The following WDR76 variants were observed in gnomAD, a reference collection of about 807,000 sequenced individuals.
WDR76 encodes WD repeat domain 76.
In WDR76, 52 loss-of-function variants were observed where a neutral mutation model predicts 70.2. That is an observed-to-expected ratio of 0.74 (90% CI 0.59 to 0.93). The LOEUF is 0.93. Among genes scored for constraint, WDR76 ranks in the 40% least tolerant of loss-of-function variants. WDR76 has a pLI of 0.00. For synonymous variants in WDR76, 292 were observed against 271.1 expected (o/e 1.08, Z -0.76); for missense variants, 756 against 760.2 (o/e 0.99, Z 0.07).
chr15:43,848,223 G>C (rs1191424649), intron 8 of WDR76, among the ~76,000 whole-genome samples: 1 of 152,078 alleles, frequency 6.6e-6, no homozygotes, highest in African/African-American at 2.4e-5. Context: ...TGGATTGACA[G>C]AGTGAGACCC....
chr15:43,846,064 T>C (rs1378146521), intron 8 of WDR76, among the ~76,000 whole-genome samples: 2 of 149,974 alleles, frequency 1.3e-5, no homozygotes, highest in Non-Finnish European at 3.0e-5. Flanking sequence ...TAGTATGTTT[T>C]GGAAGCCAAG....
chr15:43,848,165 G>A (rs1221034030), intron 8 of WDR76, among the ~76,000 whole-genome samples: 3 of 152,128 alleles, frequency 2.0e-5, no homozygotes. Flanking sequence ...CTGAGCTCAA[G>A]GCGGTTGAGG....
chr15:43,856,828 G>A, intron 9 of WDR76, 118 bp from the exon 10 acceptor site: 2 of 812,394 alleles, frequency 2.5e-6, no homozygotes. Flanking sequence ...GGGATGATGA[G>A]AGGATAAATG....
At position 43,856,968 on chromosome 15, in the gene WDR76, G is replaced by T; in HGVS notation, c.1214G>T (p.Ser405Ile). Reference sequence around the variant, plus strand: ...TAGGTGTATAGAAATGAAAGAAGTAGCTTTTCCTCCTTCGACTTCTTGGCA... The same window carrying T: ...TAGGTGTATAGAAATGAAAGAAGTATCTTTTCCTCCTTCGACTTCTTGGCA... ...FEEVYRNERS[S>I]FSSFDFLAED... The change falls in exon 10 of 13, where the codon AGC (serine) becomes ATC (isoleucine). Residue 405 changes from serine to isoleucine, a missense_variant. By Grantham distance (142) the Ser-to-Ile change is moderately radical. Coordinates refer to ENST00000263795, the MANE Select transcript of WDR76 (RefSeq NM_024908.4). 2 of 1,613,974 alleles carry T rather than the reference G, an allele frequency of 1.2e-6. No individual in the cohort carries two copies. The highest frequency in any genetic ancestry group is 1.7e-6 in the Non-Finnish European group (2 of 1,179,932).
At chr15:43,844,926 TAAAAAA>T (rs1163275078) in intron 8 of WDR76, among the ~76,000 whole-genome samples, 2 of 15,528 alleles carry the variant, frequency 1.3e-4, no homozygotes, top group African/African-American at 2.6e-4. Flanking sequence ...AGACTCTGTG[TAAAAAA>T]AAAAAAAAAA....
intron 2 of WDR76, among the ~76,000 whole-genome samples, chr15:43,832,961 G>A (rs989428667): frequency 1.3e-5 from 2 of 151,504 alleles, no homozygotes; most frequent in East Asian, 3.9e-4. Flanking sequence ...CGACACGTTG[G>A]CCAGGCTGGT....
At chr15:43,860,044 A>G (rs2087976860) in intron 11 of WDR76, among the ~76,000 whole-genome samples, 1 of 152,188 alleles carries the variant, frequency 6.6e-6, no homozygotes, top group Non-Finnish European at 1.5e-5. Context: ...TGAGCCCAGG[A>G]GTTCGAGACC....
chr15:43,855,563 A>G (rs2087917081), intron 9 of WDR76, among the ~76,000 whole-genome samples: 1 of 152,250 alleles, frequency 6.6e-6, no homozygotes, highest in Non-Finnish European at 1.5e-5. Context: ...TTCATGATTC[A>G]ACAATAAGAA....
intron 9 of WDR76, among the ~76,000 whole-genome samples, chr15:43,856,576 T>C (rs977934542): frequency 1.3e-5 from 2 of 151,870 alleles, no homozygotes; most frequent in African/African-American, 4.8e-5. Context: ...ATCAGTGCCT[T>C]TGTTTCTTTT....
intron 12 of WDR76, among the ~76,000 whole-genome samples, chr15:43,863,360 A>AT (rs957935807): frequency 1.3e-5 from 2 of 152,218 alleles, no homozygotes; most frequent in African/African-American, 2.4e-5. Context: ...CGTACTTACC[A>AT]TTTTTTTGTG....
chr15:43,855,929 A>G (rs1243096417), intron 9 of WDR76, among the ~76,000 whole-genome samples: 1 of 152,054 alleles, frequency 6.6e-6, no homozygotes, highest in African/African-American at 2.4e-5. Flanking sequence ...GTTCATTCCC[A>G]TTATCACAAG....
chr15:43,848,262 T>TA (rs1230709594), intron 8 of WDR76, among the ~76,000 whole-genome samples: 1 of 152,064 alleles, frequency 6.6e-6, no homozygotes, highest in Non-Finnish European at 1.5e-5. Flanking sequence ...AAAATTCACT[T>TA]ACTGCAATAA....
chr15:43,841,930 C>G (rs1266291246), intron 5 of WDR76, among the ~76,000 whole-genome samples: 1 of 151,802 alleles, frequency 6.6e-6, no homozygotes, highest in Non-Finnish European at 1.5e-5. Flanking sequence ...TGCAATAGTG[C>G]AGTCTTGGCT....
Position 43,828,084 on chromosome 15 carries a change from G to A in WDR76, c.180G>A (p.Gln60=). ...CCCCCTTTTCACTCAGTAATTACCA[G>A]CTAGACCAGCTTATGTGCCCCAAAT... ...YLAPFSLSNY[Q]LDQLMCPKSL... The change falls in exon 2 of 13, where the codon CAG becomes CAA. Residue 60 remains glutamine, a synonymous_variant. Coordinates refer to ENST00000263795, the MANE Select transcript of WDR76 (RefSeq NM_024908.4). 1 of 1,614,106 alleles carries A rather than the reference G, an allele frequency of 6.2e-7. No homozygotes were observed. The highest frequency in any genetic ancestry group is 8.5e-7 in the Non-Finnish European group (1 of 1,180,030).
intron 2 of WDR76, among the ~76,000 whole-genome samples, chr15:43,832,335 A>G (rs2087599404): frequency 6.6e-6 from 1 of 152,024 alleles, no homozygotes; most frequent in Non-Finnish European, 1.5e-5. Flanking sequence ...AGTAAGTTAT[A>G]ATCAAGCCAA....
At chr15:43,865,694 G>A (rs1388646785) in intron 12 of WDR76, among the ~76,000 whole-genome samples, 1 of 152,182 alleles carries the variant, frequency 6.6e-6, no homozygotes, top group African/African-American at 2.4e-5. Context: ...TTGGGCCACT[G>A]TGCCTGGCCA....
At chr15:43,832,032 C>T (rs1458685034) in intron 2 of WDR76, among the ~76,000 whole-genome samples, 1 of 152,126 alleles carries the variant, frequency 6.6e-6, no homozygotes, top group Non-Finnish European at 1.5e-5. Context: ...TAGGCGTGAG[C>T]CACTGCACCT....
chr15:43,827,675 G>A (rs746385639), intron 1 of WDR76, among the ~76,000 whole-genome samples: 4 of 152,174 alleles, frequency 2.6e-5, no homozygotes, highest in African/African-American at 9.7e-5. Context: ...CTCCTGAGTA[G>A]CTGGGACTAC....
intron 2 of WDR76, among the ~76,000 whole-genome samples, chr15:43,830,382 G>C (rs1302735207): frequency 6.6e-6 from 1 of 151,916 alleles, no homozygotes; most frequent in Non-Finnish European, 1.5e-5. Context: ...GACCAACATG[G>C]AGAAACCCCG....
Sources: gnomAD v4.1 joint callset for allele counts (sites outside exome capture counted in the v4.1 genomes callset) on GRCh38, gnomAD v4.1.1 for gene constraint, MANE v1.5 for transcripts, NCBI Gene and HGNC (gene_info 2026-07-23, HGNC 2026-07-21) for gene names.